MAST1: variants seen among roughly 807,000 people sequenced by gnomAD.
The protein encoded by MAST1 is microtubule-associated serine/threonine-protein kinase 1.
A neutral mutation model predicts 124.6 loss-of-function variants in MAST1; 40 were observed. The observed-to-expected ratio is 0.32, with a 90% CI of 0.25 to 0.42. MAST1 has a LOEUF of 0.42. Ranked by LOEUF, MAST1 falls within the 10% of genes least tolerant of loss-of-function variation. The probability of loss-of-function intolerance (pLI) is 1.00; values close to 1 mark genes in which losing one functional copy is unlikely to be tolerated. For missense variants in MAST1, 1,558 were observed against 2,181.9 expected, an observed-to-expected ratio of 0.71 and a Z score of 5.70; for synonymous variants, 938 against 939.4, an observed-to-expected ratio of 1.00 and a Z score of 0.03.
rs749959593 is a variant in MAST1, at chr19:12,843,916, G to C, written c.327+309G>C. ...TTTGGGAGGCTGAGACGGGAGGATC[G>C]CTGGAGTCTGGGAGGTATAGGCTAC... On this transcript the variant is annotated intron_variant, in intron 4 of 25. Coordinates refer to ENST00000251472, the MANE Select transcript of MAST1 (RefSeq NM_014975.3). This position sits in a 1 kb window ranked among gnomAD's most constrained non-coding sequence, Gnocchi z 4.9. 6.6e-6 allele frequency among the ~76,000 whole-genome samples: 1 copy of C among 152,104 alleles called. No individual in the cohort carries two copies. The highest frequency in any genetic ancestry group is 1.5e-5 in the Non-Finnish European group (1 of 68,012).
chr19:12,855,983 G>A (rs1166769252), intron 10 of MAST1, among the ~76,000 whole-genome samples: 2 of 147,792 alleles, frequency 1.4e-5, no homozygotes, highest in African/African-American at 5.0e-5. Flanking sequence ...TTTGATTATA[G>A]GTAAGAGTTC....
At chr19:12,863,188 AAG>A (rs1970107738) in intron 12 of MAST1, among the ~76,000 whole-genome samples, 1 of 151,478 alleles carries the variant, frequency 6.6e-6, no homozygotes, top group South Asian at 2.1e-4. Flanking sequence ...AAAAGAGAAA[AAG>A]AAAAAAATTA....
At chr19:12,858,257 G>T (rs896087078) in intron 10 of MAST1, 105 bp from the exon 11 acceptor site, 19 of 968,806 alleles carry the variant, frequency 2.0e-5, no homozygotes, top group Admixed American at 8.9e-5. Context: ...TTGGATGAAG[G>T]ACTCTTTCAT....
Position 12,865,546 on chromosome 19 carries a change from G to C in MAST1, c.1804+65G>C. On this transcript the variant is annotated intron_variant, in intron 15 of 25. Transcript: ENST00000251472. The surrounding 1 kb of genome is among the most constrained non-coding windows in gnomAD (Gnocchi z 7.1). Reference sequence around the variant, plus strand: ...GCACGGAGAGATGGACAGGCTCAGGGTTCCAGGGATTTCAAAAGCGACCCC... The same window carrying C: ...GCACGGAGAGATGGACAGGCTCAGGCTTCCAGGGATTTCAAAAGCGACCCC... The C allele has an allele frequency of 6.5e-7, 1 of 1,530,630 alleles. No individual in the cohort carries two copies. The highest frequency in any genetic ancestry group is 8.8e-7 in the Non-Finnish European group (1 of 1,138,448). 94.8% of individuals were successfully genotyped at this position (1,530,630 alleles called of 1,614,324 possible). A position where few individuals can be genotyped will look rare whatever the true frequency, so the allele number is the denominator to read the frequency against.
chr19:12,858,821 T>C, intron 12 of MAST1, 82 bp downstream of exon 12: 1 of 1,351,238 alleles, frequency 7.4e-7, no homozygotes, highest in East Asian at 2.4e-5. Flanking sequence ...TGAGCCGCAG[T>C]CTCCATATTG....
At position 12,843,748 on chromosome 19, in the gene MAST1, C is replaced by G; in HGVS notation, c.327+141C>G. 1 of 692,364 alleles carries G rather than the reference C, an allele frequency of 1.4e-6. No homozygotes were observed. The highest frequency in any genetic ancestry group is 2.4e-6 in the Non-Finnish European group (1 of 416,710). 42.9% of individuals were successfully genotyped at this position (692,364 alleles called of 1,614,324 possible). Reference sequence around the variant, plus strand: ...AGGCTCAGTGACTCAAGCCTGTAATCCCAGTACTTTGGGAGGCCAAGACAG... The same window carrying G: ...AGGCTCAGTGACTCAAGCCTGTAATGCCAGTACTTTGGGAGGCCAAGACAG... On this transcript the variant is annotated intron_variant, in intron 4 of 25. Transcript: ENST00000251472. The surrounding 1 kb of genome is among the most constrained non-coding windows in gnomAD (Gnocchi z 4.9).
rs755209133 is a variant in MAST1 at position 12,852,001 on chromosome 19, T to C, written c.842T>C (p.Ile281Thr). ...VTQLVKKLLI[I>T]ISRPARLLEC... ...CAGCTGGTGAAGAAGTTGCTTATTA[T>C]CATCTCACGCCCTGCGAGGCTGCTG... Residue 281 changes from isoleucine (I) to threonine (T), a missense_variant, in exon 8 of 26, where the codon ATC (isoleucine) becomes ACC (threonine). Ile to Thr is a moderately conservative substitution (Grantham distance 89). Coordinates refer to ENST00000251472, the MANE Select transcript of MAST1 (RefSeq NM_014975.3). 1 of 1,614,066 alleles carries C rather than the reference T, an allele frequency of 6.2e-7. No individual in the cohort carries two copies. Among genetic ancestry groups the C allele is most frequent in the Non-Finnish European group, 8.5e-7 (1 of 1,180,022 alleles).
intron 23 of MAST1, 25 bp downstream of exon 23, chr19:12,870,971 T>C: frequency 6.2e-7 from 1 of 1,612,456 alleles, no homozygotes; most frequent in Non-Finnish European, 8.5e-7. Context: ...GGAGGCACCC[T>C]GGGCGGAGGG....
At chr19:12,851,563 T>G (rs774991989) in intron 7 of MAST1, among the ~76,000 whole-genome samples, 7 of 152,166 alleles carry the variant, frequency 4.6e-5, no homozygotes, top group Non-Finnish European at 8.8e-5. Flanking sequence ...CTTGGCTCAC[T>G]GCAACTTCTG....
At chr19:12,844,313 A>G (rs1000854048) in intron 4 of MAST1, among the ~76,000 whole-genome samples, 2 of 152,162 alleles carry the variant, frequency 1.3e-5, no homozygotes, top group Non-Finnish European at 2.9e-5. Flanking sequence ...TTTTCTATCC[A>G]TGCCCATAGT....
At chr19:12,856,643 T>C (rs150675192) in intron 10 of MAST1, among the ~76,000 whole-genome samples, 1 of 152,278 alleles carries the variant, frequency 6.6e-6, no homozygotes, top group African/African-American at 2.4e-5. Context: ...ACAATACATA[T>C]TGCCTATTGC....
In MAST1 at chr19:12,840,998, TC is replaced by T; in HGVS notation, c.184del (p.Leu62TrpfsTer115). 7.7e-6 allele frequency: 10 copies of T among 1,304,898 alleles called. No individual in the cohort carries two copies. Among genetic ancestry groups the T allele is most frequent in the Non-Finnish European group, 1.1e-5 (10 of 897,124 alleles). The allele number at this position is 1,304,898 out of a possible 1,614,324, so 80.8% of individuals were successfully genotyped here. A position where few individuals can be genotyped will look rare whatever the true frequency, so the allele number is the denominator to read the frequency against. ...SPLPGHLGSS[P>X]LDSPRNFSPN... is the part of the protein sequence containing the mutation. ...CCCCTCTTTCTCTCATAGGCAGCAG[TC>T]CCCTGGACAGCCCCCGAAACTTCTC... is the stretch of plus-strand genomic sequence containing the variant. On this transcript the variant is annotated frameshift_variant, in exon 3 of 26. Coordinates refer to ENST00000251472, the MANE Select transcript of MAST1 (RefSeq NM_014975.3). LOFTEE classifies it high-confidence loss of function.
chr19:12,865,750 T>A lies in MAST1; in HGVS notation c.1838T>A (p.Leu613Gln). ...CTGTGGCCCGAGGGGGATGAGGCCC[T>A]ACCTACGGAGGCCCAACTCCTCATA... ...DILWPEGDEALPTEAQLLISS... is the reference protein window; with the variant it reads ...DILWPEGDEAQPTEAQLLISS... The change falls in exon 16 of 26, where the codon CTA becomes CAA. Residue 613 changes from leucine (L) to glutamine (Q), a missense_variant. Coordinates refer to ENST00000251472, the MANE Select transcript of MAST1 (RefSeq NM_014975.3). The surrounding 1 kb of genome is among the most constrained non-coding windows in gnomAD (Gnocchi z 7.1). The A allele has an allele frequency of 6.2e-7, 1 of 1,613,770 alleles. No homozygotes were observed. The highest frequency in any genetic ancestry group is 8.5e-7 in the Non-Finnish European group (1 of 1,179,842).
At position 12,866,295 on chromosome 19, in the gene MAST1, T is replaced by C. The variant is rs1970152922; in HGVS notation, c.2029+193T>C. On this transcript the variant is annotated intron_variant, in intron 17 of 25. Coordinates refer to ENST00000251472, the MANE Select transcript of MAST1 (RefSeq NM_014975.3). This position sits in a 1 kb window ranked among gnomAD's most constrained non-coding sequence, Gnocchi z 5.2. Reference sequence around the variant, plus strand: ...TACAGGCGGGGCTCAGGCTGAAATGTAGGTAAGAACCTGAGATTGGGCTAG... The same window carrying C: ...TACAGGCGGGGCTCAGGCTGAAATGCAGGTAAGAACCTGAGATTGGGCTAG... 1.3e-5 allele frequency among the ~76,000 whole-genome samples: 2 copies of C among 152,186 alleles called. No individual in the cohort carries two copies. Among genetic ancestry groups the C allele is most frequent in the South Asian group, 4.1e-4 (2 of 4,820 alleles).
intron 22 of MAST1, 90 bp downstream of exon 22, chr19:12,869,385 C>A: frequency 2.9e-6 from 3 of 1,019,224 alleles, no homozygotes; most frequent in Non-Finnish European, 3.0e-6. Context: ...CTGGGTGAGA[C>A]ACCTCTGTGA....
chr19:12,862,191 G>A (rs1256813860), intron 12 of MAST1, among the ~76,000 whole-genome samples: 5 of 152,016 alleles, frequency 3.3e-5, no homozygotes, highest in Admixed American at 2.6e-4. Flanking sequence ...TTTTAGTAGA[G>A]ACGGATTTTC....
chr19:12,858,313 C>A, intron 10 of MAST1, 49 bp from the exon 11 acceptor site: 1 of 1,489,868 alleles, frequency 6.7e-7, no homozygotes, highest in Non-Finnish European at 9.3e-7. Context: ...TAAAAGCATC[C>A]TGCTCTCATG....
In MAST1 at chr19:12,841,925, G is replaced by T. The variant is rs1463129806; in HGVS notation, c.248+859G>T. On this transcript the variant is annotated intron_variant, in intron 3 of 25. Coordinates refer to ENST00000251472, the MANE Select transcript of MAST1 (RefSeq NM_014975.3). The surrounding 1 kb of genome is among the most constrained non-coding windows in gnomAD (Gnocchi z 4.3). ...AGCCAGGACAAGGCTCTGGGATAGG[G>T]TCTCACATGTTTATCCGCAAGCGGG... is the stretch of plus-strand genomic sequence containing the variant. Among the ~76,000 whole-genome samples the T allele has an allele frequency of 6.6e-6, 1 of 152,188 alleles. No individual in the cohort carries two copies. Among genetic ancestry groups the T allele is most frequent in the Admixed American group, 6.5e-5 (1 of 15,278 alleles).
Position 12,866,224 on chromosome 19 carries a change from A to C in MAST1, c.2029+122A>C. On this transcript the variant is annotated intron_variant, in intron 17 of 25. Transcript: ENST00000251472. This position sits in a 1 kb window ranked among gnomAD's most constrained non-coding sequence, Gnocchi z 5.2. Reference sequence around the variant, plus strand: ...ACCAAGATGTGATGCCTAGGTGCGAAGGTGGTATTTTGGTGGGGGCGGGGC... The same window carrying C: ...ACCAAGATGTGATGCCTAGGTGCGACGGTGGTATTTTGGTGGGGGCGGGGC... The C allele has an allele frequency of 4.2e-6, 2 of 477,430 alleles. No individual in the cohort carries two copies. The highest frequency in any genetic ancestry group is 5.8e-6 in the Non-Finnish European group (2 of 343,498). The allele number at this position is 477,430 out of a possible 1,614,324, so 29.6% of individuals were successfully genotyped here.
Sources: gnomAD v4.1 joint callset for allele counts (sites outside exome capture counted in the v4.1 genomes callset) on GRCh38, gnomAD v4.1.1 for gene constraint, Gnocchi (gnomAD v3.1) non-coding constraint, MANE v1.5 for transcripts, NCBI Gene and HGNC (gene_info 2026-07-23, HGNC 2026-07-21) for gene names.